The following NFYC variants were observed in gnomAD, a reference collection of about 807,000 sequenced individuals.
NFYC encodes CAAT box DNA-binding protein subunit C.
In NFYC, 25 loss-of-function variants were observed where a neutral mutation model predicts 53.1. That is an observed-to-expected ratio of 0.47 (90% confidence interval 0.34 to 0.66). The LOEUF (loss-of-function observed/expected upper bound fraction) is 0.66, where lower values mean the gene tolerates loss of function less well. NFYC is among the 30% of genes least tolerant of loss of function. The pLI is 0.01. For missense variants in NFYC, 260 were observed against 422.7 expected, an observed-to-expected ratio of 0.62 and a Z score of 3.38; for synonymous variants, 145 against 152.6, an observed-to-expected ratio of 0.95 and a Z score of 0.37.
chr1:40,749,432 A>G (rs1645791067), intron 3 of NFYC, 141 bp from the exon 4 acceptor site: 2 of 652,904 alleles, frequency 3.1e-6, no homozygotes, highest in Middle Eastern at 3.6e-4. Context: ...TCATGGATTT[A>G]TTTTACCTTG....
At position 40,742,117 on chromosome 1, in the gene NFYC, C is replaced by T. The variant is rs571985838; in HGVS notation, c.105+3169C>T. On this transcript the variant is annotated intron_variant, in intron 2 of 9. Coordinates refer to ENST00000447388, the MANE Select transcript of NFYC (RefSeq NM_014223.5). ...TAGAGATGGAGGTCTCACTATGTTG[C>T]CTAGGCTGGTCTCAAATTCCTGGCC... Among the ~76,000 whole-genome samples the T allele has an allele frequency of 5.9e-5, 9 of 151,818 alleles. 1 individual carries two copies. The highest frequency in any genetic ancestry group is 2.2e-4 in the African/African-American group (9 of 41,402).
intron 2 of NFYC, among the ~76,000 whole-genome samples, chr1:40,745,313 A>G (rs1345129595): frequency 1.3e-5 from 2 of 152,198 alleles, no homozygotes; most frequent in African/African-American, 4.8e-5. Context: ...AAGAGAGCTA[A>G]ATGTATGATC....
chr1:40,695,109 G>C (rs1643055629), intron 1 of NFYC, among the ~76,000 whole-genome samples: 1 of 152,016 alleles, frequency 6.6e-6, no homozygotes, highest in South Asian at 2.1e-4. Context: ...CATGGTGGTG[G>C]GCGCCTGTAA....
chr1:40,754,501 G>A, intron 5 of NFYC: 1 of 506,068 alleles, frequency 2.0e-6, no homozygotes, highest in Non-Finnish European at 4.1e-6. Context: ...GTGCCCACAG[G>A]CTCAATTCCT....
Position 40,749,611 on chromosome 1 carries a change from A to AT in NFYC, c.216_217insT (p.Ala73CysfsTer19). ...AAGCGCCTGTACTCTTTGCCAAGGC[A>AT]GCCCAGATTTTTATCACAGAGTTGA... On this transcript the variant is annotated frameshift_variant, in exon 4 of 10. Coordinates refer to ENST00000447388, the MANE Select transcript of NFYC (RefSeq NM_014223.5). LOFTEE classifies it high-confidence loss of function. 15 of 1,614,176 alleles carry AT rather than the reference A, an allele frequency of 9.3e-6. No homozygotes were observed. The highest frequency in any genetic ancestry group is 1.3e-5 in the Non-Finnish European group (15 of 1,180,010).
intron 1 of NFYC, among the ~76,000 whole-genome samples, chr1:40,736,475 T>C (rs976924346): frequency 6.6e-6 from 1 of 152,178 alleles, no homozygotes; most frequent in Non-Finnish European, 1.5e-5. Context: ...GCTTTGGTGC[T>C]TTGCTTTCAG....
intron 5 of NFYC, among the ~76,000 whole-genome samples, chr1:40,756,188 C>G (rs1007121199): frequency 2.0e-5 from 3 of 152,210 alleles, no homozygotes; most frequent in African/African-American, 7.2e-5. Flanking sequence ...GAGCAGTTGG[C>G]TTCTGTTTCT....
At chr1:40,727,921 A>G (rs1466700500) in intron 1 of NFYC, among the ~76,000 whole-genome samples, 19 of 151,916 alleles carry the variant, frequency 1.3e-4, no homozygotes, top group Admixed American at 1.2e-3. Context: ...ATCCCTGTCT[A>G]TGGCAGCTGT....
At chr1:40,729,679 CTTTTT>C (rs749911157) in intron 1 of NFYC, among the ~76,000 whole-genome samples, 2 of 143,576 alleles carry the variant, frequency 1.4e-5, no homozygotes, top group Non-Finnish European at 3.1e-5. Context: ...CATCTCAGCT[CTTTTT>C]TTTTTTTTTG....
At chr1:40,760,795 G>A (rs1015245313) in intron 6 of NFYC, among the ~76,000 whole-genome samples, 4 of 152,040 alleles carry the variant, frequency 2.6e-5, no homozygotes, top group African/African-American at 9.7e-5. Flanking sequence ...AAAATGTATT[G>A]AGTGCTTGTT....
chr1:40,714,260 G>C (rs540646058), intron 1 of NFYC, among the ~76,000 whole-genome samples: 1 of 152,268 alleles, frequency 6.6e-6, no homozygotes, highest in East Asian at 1.9e-4. Flanking sequence ...TTAAGCATTT[G>C]ACAAGACTAA....
At chr1:40,756,949 T>C (rs1459643238) in intron 5 of NFYC, among the ~76,000 whole-genome samples, 1 of 152,216 alleles carries the variant, frequency 6.6e-6, no homozygotes, top group African/African-American at 2.4e-5. Flanking sequence ...GACAGTACTT[T>C]GGAAGCACAG....
At chr1:40,739,803 TAA>T (rs1645242622) in intron 2 of NFYC, among the ~76,000 whole-genome samples, 1 of 152,194 alleles carries the variant, frequency 6.6e-6, no homozygotes, top group Non-Finnish European at 1.5e-5. Context: ...TGGTTGAGTT[TAA>T]GTAAAGGGAA....
At chr1:40,743,785 C>T (rs1011814192) in intron 2 of NFYC, among the ~76,000 whole-genome samples, 8 of 152,164 alleles carry the variant, frequency 5.3e-5, no homozygotes, top group Non-Finnish European at 8.8e-5. Context: ...GTATGAACCA[C>T]GTGAGGGAGG....
intron 1 of NFYC, among the ~76,000 whole-genome samples, chr1:40,724,004 T>A (rs1216783611): frequency 6.6e-6 from 1 of 152,132 alleles, no homozygotes; most frequent in Admixed American, 6.5e-5. Context: ...GGGCCAGATA[T>A]TTTAGGCTTT....
At chr1:40,757,605 G>A (rs1310508098) in intron 5 of NFYC, among the ~76,000 whole-genome samples, 2 of 152,178 alleles carry the variant, frequency 1.3e-5, no homozygotes, top group Non-Finnish European at 2.9e-5. Flanking sequence ...CAGTGCTCTC[G>A]ATCCTGAAAT....
At chr1:40,749,482 C>T (rs1181059373) in intron 3 of NFYC, 91 bp from the exon 4 acceptor site, 4 of 969,212 alleles carry the variant, frequency 4.1e-6, no homozygotes, top group Admixed American at 1.8e-5. Flanking sequence ...TGACCCTTGC[C>T]CCATAGTCCC....
At chr1:40,692,902 C>T (rs2148389725) in intron 1 of NFYC, among the ~76,000 whole-genome samples, 1 of 152,244 alleles carries the variant, frequency 6.6e-6, no homozygotes, top group Middle Eastern at 3.4e-3. Flanking sequence ...GTCTCAGGAC[C>T]ATACAAGTAG....
intron 1 of NFYC, among the ~76,000 whole-genome samples, chr1:40,736,181 C>T (rs1645014354): frequency 6.6e-6 from 1 of 152,198 alleles, no homozygotes. Flanking sequence ...CCCATTACAT[C>T]ATCACCCACT....
Sources: allele counts gnomAD v4.1 joint callset (sites outside exome capture counted in the v4.1 genomes callset), GRCh38; gene constraint gnomAD v4.1.1; transcripts MANE v1.5; gene names NCBI Gene and HGNC (gene_info 2026-07-23, HGNC 2026-07-21).